The following NCKAP1 variants were observed in gnomAD, a reference collection of about 807,000 sequenced individuals.
The protein encoded by NCKAP1 is NCK associated protein 1, also known as nck-associated protein 1.
In NCKAP1, 21 loss-of-function variants were observed where a neutral mutation model predicts 151.2. The observed-to-expected ratio is 0.14, with a 90% CI of 0.10 to 0.20. The LOEUF is 0.20. Ranked by LOEUF, NCKAP1 falls within the 10% of genes least tolerant of loss-of-function variation. The pLI is 1.00. For synonymous variants in NCKAP1, 484 were observed against 451.8 expected (o/e 1.07, Z -0.90); for missense variants, 933 against 1,352.1 (o/e 0.69, Z 4.86).
chr2:182,930,481 A>C (rs1360679372), intron 27 of NCKAP1, among the ~76,000 whole-genome samples: 1 of 151,984 alleles, frequency 6.6e-6, no homozygotes, highest in African/African-American at 2.4e-5. Context: ...ATATACACTA[A>C]ATGGCTCAGT....
intron 1 of NCKAP1, among the ~76,000 whole-genome samples, chr2:183,034,001 A>G (rs903954757): frequency 1.3e-5 from 2 of 152,240 alleles, no homozygotes; most frequent in African/African-American, 4.8e-5. Context: ...TGCTACTTAA[A>G]AATTAAAAAT....
intron 2 of NCKAP1, among the ~76,000 whole-genome samples, chr2:183,016,825 G>C (rs913854104): frequency 1.3e-5 from 2 of 152,160 alleles, no homozygotes; most frequent in African/African-American, 4.8e-5. Flanking sequence ...GAAAGTAGGA[G>C]AGATTGGATG....
At position 182,952,390 on chromosome 2, in the gene NCKAP1, TAA is replaced by T; in HGVS notation, c.2601+13_2601+14del. Reference sequence around the variant, plus strand: ...ATTAATGTTTAAAAGCTAAAATTAATAAAGACTATATTACCTTAAGTTCAGCA... The same window carrying T: ...ATTAATGTTTAAAAGCTAAAATTAATAGACTATATTACCTTAAGTTCAGCA... On this transcript the variant is annotated intron_variant, in intron 23 of 30. Transcript: ENST00000361354. 6.6e-7 allele frequency: 1 copy of T among 1,518,296 alleles called. No individual in the cohort carries two copies. The highest frequency in any genetic ancestry group is 8.9e-7 in the Non-Finnish European group (1 of 1,118,164). 94.1% of individuals were successfully genotyped at this position (1,518,296 alleles called of 1,614,324 possible).
In NCKAP1 at chr2:182,976,942, C is replaced by A; in HGVS notation, c.1433G>T (p.Gly478Val). The A allele has an allele frequency of 6.5e-7, 1 of 1,533,158 alleles. No individual in the cohort carries two copies. Among genetic ancestry groups the A allele is most frequent in the East Asian group, 2.4e-5 (1 of 42,046 alleles). The allele number at this position is 1,533,158 out of a possible 1,614,324, so 95.0% of individuals were successfully genotyped here. The change falls in exon 15 of 31, where the codon GGG becomes GTG. Residue 478 changes from glycine (G) to valine (V), a missense_variant. By Grantham distance (109) the Gly-to-Val change is moderately radical. Around this residue, in one of 2 missense-constraint regions of NCKAP1, gnomAD observed 607 missense variants for 795.0 expected, o/e 0.76. Coordinates refer to ENST00000361354, the MANE Select transcript of NCKAP1 (RefSeq NM_013436.5). Reference sequence around the variant, plus strand: ...CATTCCTCTGAAATCAAATACTTCCCCATCTTCAACTGTAGTAATAGAAAA... The same window carrying A: ...CATTCCTCTGAAATCAAATACTTCCACATCTTCAACTGTAGTAATAGAAAA... ...TSLSVKQVED[G>V]EVFDFRGMRL...
chr2:182,994,359 C>A (rs1010815083), intron 8 of NCKAP1, among the ~76,000 whole-genome samples: 1 of 151,982 alleles, frequency 6.6e-6, no homozygotes, highest in African/African-American at 2.4e-5. Context: ...ACTACCTGGC[C>A]GGGTGCAGTG....
intron 23 of NCKAP1, among the ~76,000 whole-genome samples, chr2:182,949,086 C>A (rs1255531664): frequency 3.3e-5 from 5 of 152,150 alleles, no homozygotes; most frequent in Non-Finnish European, 5.9e-5. Context: ...CAAAGGCAAT[C>A]CCTGCCTCTT....
At chr2:183,003,404 A>G (rs1698409237) in intron 2 of NCKAP1, 79 bp from the exon 3 acceptor site, 1 of 855,502 alleles carries the variant, frequency 1.2e-6, no homozygotes, top group Non-Finnish European at 1.9e-6. Flanking sequence ...TTCTTTTATG[A>G]CTGCTATATG....
intron 8 of NCKAP1, among the ~76,000 whole-genome samples, chr2:182,990,941 C>T (rs892540849): frequency 2.2e-4 from 34 of 152,046 alleles, no homozygotes; most frequent in Non-Finnish European, 4.3e-4. Context: ...TAAAACAAGC[C>T]AATTATTCAA....
Position 182,934,797 on chromosome 2 carries a change from TG to T in NCKAP1, c.2813del (p.Ser938Ter). The T allele has an allele frequency of 6.7e-7, 1 of 1,487,224 alleles. No homozygotes were observed. The highest frequency in any genetic ancestry group is 9.3e-7 in the Non-Finnish European group (1 of 1,069,950). 92.1% of individuals were successfully genotyped at this position (1,487,224 alleles called of 1,614,324 possible). A position where few individuals can be genotyped will look rare whatever the true frequency, so the allele number is the denominator to read the frequency against. ...LSYHIPFLVS[S>X]IEDFKDHIPR... ...GAATGTGATCCTTAAAATCTTCAAT[TG>T]AACTTACAAGAAAAGGAATGTGGTA... On this transcript the variant is annotated frameshift_variant, in exon 26 of 31. Transcript: ENST00000361354. LOFTEE classifies it high-confidence loss of function.
chr2:183,038,003 T>G lies in NCKAP1; in HGVS notation c.97A>C (p.Asn33His). ...RGVGMLTRLYNIKKACGDPKA... is the reference protein window; with the variant it reads ...RGVGMLTRLYHIKKACGDPKA... ...CGGCCCGTGCGCACCTTCTTGATGT[T>G]GTAGAGGCGGGTGAGCATGCCGACG... Residue 33 changes from asparagine to histidine, a missense_variant, in exon 1 of 31, where the codon AAC becomes CAC. Physicochemically the swap from Asn to His is moderately conservative, Grantham distance 68. Around this residue, in one of 2 missense-constraint regions of NCKAP1, gnomAD observed 607 missense variants for 795.0 expected, o/e 0.76. Transcript: ENST00000361354. 1 of 1,585,178 alleles carries G rather than the reference T, an allele frequency of 6.3e-7. No individual in the cohort carries two copies. The highest frequency in any genetic ancestry group is 1.1e-5 in the South Asian group (1 of 89,032).
intron 2 of NCKAP1, among the ~76,000 whole-genome samples, chr2:183,009,723 T>G (rs1254134831): frequency 6.6e-6 from 1 of 152,172 alleles, no homozygotes; most frequent in Non-Finnish European, 1.5e-5. Flanking sequence ...ATCAGCACCA[T>G]CCATCTCCAG....
chr2:183,018,070 G>A (rs994703112), intron 2 of NCKAP1, among the ~76,000 whole-genome samples: 1 of 152,086 alleles, frequency 6.6e-6, no homozygotes, highest in Non-Finnish European at 1.5e-5. Context: ...CCAGCATGGT[G>A]AAACCCGTCT....
intron 8 of NCKAP1, among the ~76,000 whole-genome samples, chr2:182,994,280 G>A (rs1206868927): frequency 6.6e-6 from 1 of 152,092 alleles, no homozygotes; most frequent in African/African-American, 2.4e-5. Flanking sequence ...GTTAGGCTGG[G>A]TTCTTATCTT....
intron 2 of NCKAP1, among the ~76,000 whole-genome samples, chr2:183,018,648 T>G (rs989479050): frequency 2.0e-5 from 3 of 152,242 alleles, no homozygotes; most frequent in African/African-American, 7.2e-5. Flanking sequence ...ATAGTTCTAC[T>G]AAAAAGTACA....
At chr2:182,999,958 C>T (rs1352648843) in intron 6 of NCKAP1, among the ~76,000 whole-genome samples, 2 of 152,110 alleles carry the variant, frequency 1.3e-5, no homozygotes, top group African/African-American at 4.8e-5. Flanking sequence ...GCATTGGGTA[C>T]ACATGGACAC....
intron 15 of NCKAP1, among the ~76,000 whole-genome samples, chr2:182,971,393 CA>C (rs1190689259): frequency 0.094 from 6,480 of 68,948 alleles, 44 homozygotes; most frequent in Non-Finnish European, 0.12. Context: ...GACTCCGTCT[CA>C]AAAAAAAAAA....
intron 9 of NCKAP1, among the ~76,000 whole-genome samples, chr2:182,988,414 A>C (rs1191779825): frequency 6.6e-6 from 1 of 152,212 alleles, no homozygotes; most frequent in Non-Finnish European, 1.5e-5. Context: ...CATAATTGCC[A>C]CCAAGTCTGA....
chr2:182,924,555 C>G lies in NCKAP1; in HGVS notation c.*1147G>C, dbSNP rs1227501082. ...CTAATGCAGCAGTTCTCAACATTCT[C>G]ACTAGTCCCATGATCACTCAATTTT... is the stretch of plus-strand genomic sequence containing the variant. On this transcript the variant is annotated 3_prime_UTR_variant, in exon 31 of 31. Coordinates refer to ENST00000361354, the MANE Select transcript of NCKAP1 (RefSeq NM_013436.5). 6.6e-6 allele frequency: 1 copy of G among 152,002 alleles called. No homozygotes were observed. The highest frequency in any genetic ancestry group is 1.5e-5 in the Non-Finnish European group (1 of 68,006). The allele number at this position is 152,002 out of a possible 1,614,324, so 9.4% of individuals were successfully genotyped here. A position where few individuals can be genotyped will look rare whatever the true frequency, so the allele number is the denominator to read the frequency against.
intron 2 of NCKAP1, among the ~76,000 whole-genome samples, chr2:183,010,632 G>A (rs1378997294): frequency 6.6e-6 from 1 of 152,152 alleles, no homozygotes; most frequent in African/African-American, 2.4e-5. Context: ...ATGTGCCTCA[G>A]CTAAAACTTT....
Sources: gnomAD v4.1 joint callset for allele counts (sites outside exome capture counted in the v4.1 genomes callset) on GRCh38, gnomAD v4.1.1 for gene constraint, gnomAD v4.1.1 regional missense constraint, MANE v1.5 for transcripts, NCBI Gene and HGNC (gene_info 2026-07-23, HGNC 2026-07-21) for gene names.